The following PHIP variants were observed in gnomAD, a reference collection of about 807,000 sequenced individuals.
The protein encoded by PHIP is PHIP subunit of CUL4-Ring ligase complex.
A neutral mutation model predicts 236.8 loss-of-function variants in PHIP; 54 were observed. The ratio of observed to expected loss-of-function variants is 0.23; its 90% CI spans 0.18 to 0.29. The LOEUF (loss-of-function observed/expected upper bound fraction) is 0.29. Ranked by LOEUF, PHIP falls within the 10% of genes least tolerant of loss-of-function variation. The probability of loss-of-function intolerance (pLI) is 1.00; values close to 1 mark genes in which losing one functional copy is unlikely to be tolerated. For synonymous variants in PHIP, 756 were observed against 718.9 expected, an observed-to-expected ratio of 1.05 and a Z score of -0.83; for missense variants, 1,370 against 2,190.8, an observed-to-expected ratio of 0.63 and a Z score of 7.48.
At chr6:79,021,934 C>T (rs1005937997) in intron 9 of PHIP, among the ~76,000 whole-genome samples, 1 of 151,928 alleles carries the variant, frequency 6.6e-6, no homozygotes, top group African/African-American at 2.4e-5. Context: ...CCTTTAACAC[C>T]ATGTGATTAT....
chr6:79,024,553 C>T (rs1771289944), intron 9 of PHIP, among the ~76,000 whole-genome samples: 1 of 152,108 alleles, frequency 6.6e-6, no homozygotes. Context: ...GCCTGTAATC[C>T]CAACACTTTG....
chr6:78,967,781 C>T (rs946824239), intron 27 of PHIP, among the ~76,000 whole-genome samples: 2 of 152,142 alleles, frequency 1.3e-5, no homozygotes, highest in Non-Finnish European at 2.9e-5. Flanking sequence ...TGGAATATTG[C>T]TGCACTTTGA....
Position 78,973,640 on chromosome 6 carries a change from C to G in PHIP, c.2890-2752G>C, listed in dbSNP as rs571848904. Among the ~76,000 whole-genome samples the G allele has an allele frequency of 4.8e-3, 680 of 142,564 alleles. 4 individuals are homozygous for G. Among genetic ancestry groups the G allele is most frequent in the African/African-American group, 0.017 (638 of 37,650 alleles). 93.5% of individuals were successfully genotyped at this position (142,564 alleles called of 152,430 possible). A position where few individuals can be genotyped will look rare whatever the true frequency, so the allele number is the denominator to read the frequency against. On this transcript the variant is annotated intron_variant, in intron 24 of 39. Transcript: ENST00000275034. ...GCTGTATTCAGGAAACCCATCTCAC[C>G]TGCAGAGACACACATAGGCTCAAAA...
intron 4 of PHIP, among the ~76,000 whole-genome samples, chr6:79,065,595 C>G (rs569891077): frequency 1.9e-4 from 29 of 152,262 alleles, no homozygotes; most frequent in African/African-American, 5.8e-4. Flanking sequence ...TTTCTATACT[C>G]TACACAATCC....
intron 31 of PHIP, 91 bp downstream of exon 31, chr6:78,961,598 AC>A (rs1236458121): frequency 1.7e-5 from 22 of 1,280,672 alleles, no homozygotes; most frequent in Non-Finnish European, 2.3e-5. Flanking sequence ...ATTCCTATAT[AC>A]AAAAAGTTGA....
chr6:79,012,167 G>A (rs1770614377), intron 15 of PHIP, among the ~76,000 whole-genome samples: 1 of 151,526 alleles, frequency 6.6e-6, no homozygotes, highest in Non-Finnish European at 1.5e-5. Context: ...TATGTTACAT[G>A]ATTTCCATTA....
At chr6:79,001,534 A>G (rs1393460660) in intron 17 of PHIP, among the ~76,000 whole-genome samples, 1 of 152,082 alleles carries the variant, frequency 6.6e-6, no homozygotes, top group African/African-American at 2.4e-5. Context: ...GAAAGCAAGG[A>G]TCATGTTTGT....
In PHIP at chr6:78,998,671, T is replaced by C. The variant is rs182576060; in HGVS notation, c.1880-280A>G. Among the ~76,000 whole-genome samples, 152 of 152,268 alleles carry C rather than the reference T, an allele frequency of 1.0e-3. 1 individual carries two copies. Among genetic ancestry groups the C allele is most frequent in the Admixed American group, 3.5e-3 (54 of 15,290 alleles). ...CCGTATGGTAACTCCATTAGGTATG[T>C]ATAAACAACTCCACTTTATAGATGA... On this transcript the variant is annotated intron_variant, in intron 17 of 39. Coordinates refer to ENST00000275034, the MANE Select transcript of PHIP (RefSeq NM_017934.7).
intron 24 of PHIP, among the ~76,000 whole-genome samples, chr6:78,975,027 G>A (rs573250924): frequency 1.9e-4 from 29 of 151,166 alleles, no homozygotes; most frequent in African/African-American, 6.6e-4. Flanking sequence ...ATTTTATGAG[G>A]CCAGCATCAT....
At chr6:78,952,787 C>T (rs919923831) in intron 35 of PHIP, among the ~76,000 whole-genome samples, 7 of 151,752 alleles carry the variant, frequency 4.6e-5, no homozygotes, top group Non-Finnish European at 7.4e-5. Context: ...CATATTTTTT[C>T]CCTATGTTTC....
At chr6:78,948,342 A>G (rs1024824726) in intron 35 of PHIP, among the ~76,000 whole-genome samples, 1 of 152,164 alleles carries the variant, frequency 6.6e-6, no homozygotes, top group Admixed American at 6.5e-5. Context: ...TGAGATGTCT[A>G]CCTAGTCAAT....
At chr6:78,991,027 C>A (rs200061416) in intron 19 of PHIP, 42 bp from the exon 20 acceptor site, 2 of 1,180,498 alleles carry the variant, frequency 1.7e-6, no homozygotes, top group Admixed American at 2.0e-5. Flanking sequence ...GAATTTTACA[C>A]ATAACTTTCC....
intron 9 of PHIP, among the ~76,000 whole-genome samples, chr6:79,025,207 T>C (rs991959351): frequency 2.6e-5 from 4 of 152,140 alleles, no homozygotes; most frequent in African/African-American, 7.2e-5. Context: ...GATTAAGTTC[T>C]GAGCATCAAA....
chr6:79,000,159 T>C (rs770799946), intron 17 of PHIP, among the ~76,000 whole-genome samples: 17 of 152,060 alleles, frequency 1.1e-4, no homozygotes, highest in South Asian at 2.1e-4. Flanking sequence ...TGTTCTGTTT[T>C]TGTATTAACC....
intron 35 of PHIP, among the ~76,000 whole-genome samples, chr6:78,948,884 A>G (rs1338377972): frequency 6.6e-6 from 1 of 152,218 alleles, no homozygotes; most frequent in Non-Finnish European, 1.5e-5. Context: ...TTATGATCAA[A>G]TACGTCTGAC....
intron 24 of PHIP, among the ~76,000 whole-genome samples, chr6:78,972,320 G>C (rs1267711500): frequency 1.3e-5 from 2 of 152,162 alleles, no homozygotes; most frequent in Admixed American, 6.5e-5. Flanking sequence ...TGAGGGTCCT[G>C]TCTGTTAGAA....
At chr6:79,011,777 G>A (rs968387132) in intron 15 of PHIP, among the ~76,000 whole-genome samples, 13 of 151,642 alleles carry the variant, frequency 8.6e-5, no homozygotes, top group Admixed American at 2.0e-4. Flanking sequence ...AAACATAAAA[G>A]AACTAAATAG....
At chr6:78,957,588 A>T (rs1336299028) in intron 32 of PHIP, 4 of 151,850 alleles carry the variant, frequency 2.6e-5, no homozygotes, top group South Asian at 4.1e-4. Context: ...TTAAAAAAAA[A>T]AAAAAAACTG....
chr6:78,949,488 G>A lies in PHIP; in HGVS notation c.4054-1713C>T, dbSNP rs148960251. Among the ~76,000 whole-genome samples the A allele has an allele frequency of 6.3e-4, 96 of 151,858 alleles. 1 individual carries two copies. The South Asian group carries it at 7.9e-3, about 13-fold the overall frequency. ...AGACAACTAGATACCTGTGCCCCAG[G>A]GCCCACTGGAATTATTCAAACTAGC... On this transcript the variant is annotated intron_variant, in intron 35 of 39. Transcript: ENST00000275034.
Sources: gnomAD v4.1 joint callset for allele counts (sites outside exome capture counted in the v4.1 genomes callset) on GRCh38, gnomAD v4.1.1 for gene constraint, MANE v1.5 for transcripts, NCBI Gene and HGNC (gene_info 2026-07-23, HGNC 2026-07-21) for gene names.